Variants in CDH4 observed in about 807,000 individuals in gnomAD.
CDH4 encodes cadherin 4.
In CDH4, 33 loss-of-function variants were observed where a neutral mutation model predicts 86.0. The ratio of observed to expected loss-of-function variants is 0.38; its 90% CI spans 0.29 to 0.51. CDH4 has a LOEUF of 0.51. CDH4 is among the 20% of genes least tolerant of loss of function. The pLI, the probability that CDH4 is intolerant of heterozygous loss-of-function variation, is 0.86. For synonymous variants in CDH4, 555 were observed against 549.4 expected, an observed-to-expected ratio of 1.01 and a Z score of -0.14; for missense variants, 1,114 against 1,307.4, an observed-to-expected ratio of 0.85 and a Z score of 2.28.
In CDH4 at chr20:61,631,328, G is replaced by A. The variant is rs112139416; in HGVS notation, c.170-112235G>A. 2.6e-4 allele frequency among the ~76,000 whole-genome samples: 39 copies of A among 152,322 alleles called. No homozygotes were observed. The South Asian group carries it at 5.0e-3, about 19-fold the overall frequency. ...TGGAGCCAGGGCTTCAAGTTCGGTG[G>A]GGCTTGGTTGCTTTGTTTAAAAGTG... On this transcript the variant is annotated intron_variant, in intron 2 of 15. Transcript: ENST00000614565.
In CDH4 at chr20:61,709,419, C is replaced by T. The variant is rs975309140; in HGVS notation, c.170-34144C>T. ...CCACCCAAGTAGTTGGGATTACAGG[C>T]GGGTGCCACCATGCCCGGCTATTTT... On this transcript the variant is annotated intron_variant, in intron 2 of 15. Transcript: ENST00000614565. This position sits in a 1 kb window ranked among gnomAD's most constrained non-coding sequence, Gnocchi z 4.8. Among the ~76,000 whole-genome samples the T allele has an allele frequency of 3.3e-5, 5 of 151,996 alleles. No homozygotes were observed. The highest frequency in any genetic ancestry group is 2.1e-4 in the South Asian group (1 of 4,818).
intron 2 of CDH4, among the ~76,000 whole-genome samples, chr20:61,389,134 C>G (rs2084967259): frequency 6.6e-6 from 1 of 152,210 alleles, no homozygotes; most frequent in Non-Finnish European, 1.5e-5. Flanking sequence ...TGCCAGTGGG[C>G]TGAAGTCCGT....
chr20:61,416,158 C>T (rs1024803490), intron 2 of CDH4, among the ~76,000 whole-genome samples: 2 of 152,070 alleles, frequency 1.3e-5, no homozygotes, highest in African/African-American at 4.8e-5. Context: ...TGTGCTACCA[C>T]ACCTGGCTAA....
At position 61,328,877 on chromosome 20, in the gene CDH4, C is replaced by T. The variant is rs189991084; in HGVS notation, c.169+73940C>T. Among the ~76,000 whole-genome samples the T allele has an allele frequency of 2.9e-3, 437 of 152,312 alleles. 3 individuals are homozygous for T. Among genetic ancestry groups the T allele is most frequent in the Middle Eastern group, 0.02 (6 of 294 alleles). On this transcript the variant is annotated intron_variant, in intron 2 of 15. Coordinates refer to ENST00000614565, the MANE Select transcript of CDH4 (RefSeq NM_001794.5). The stretch of plus-strand genomic sequence containing the variant: ...CTATTAGCTCTGAATGATGAAAACT[C>T]CCATTGTACAGATGCTCCTTAATTT...
At chr20:61,407,296 C>T (rs2085089656) in intron 2 of CDH4, among the ~76,000 whole-genome samples, 1 of 152,158 alleles carries the variant, frequency 6.6e-6, no homozygotes, top group Admixed American at 6.5e-5. Context: ...AATGTCAGGT[C>T]CTTAGAGAAG....
intron 2 of CDH4, among the ~76,000 whole-genome samples, chr20:61,498,342 C>T (rs2085677455): frequency 6.6e-6 from 1 of 152,198 alleles, no homozygotes; most frequent in Admixed American, 6.5e-5. Flanking sequence ...AATGTTCTAG[C>T]TCAGATGACC....
intron 2 of CDH4, among the ~76,000 whole-genome samples, chr20:61,407,576 C>A (rs899789554): frequency 6.6e-6 from 1 of 152,210 alleles, no homozygotes; most frequent in Admixed American, 6.5e-5. Context: ...ACAAACTTCC[C>A]TATGAAATTG....
At chr20:61,673,444 G>A (rs778759103) in intron 2 of CDH4, among the ~76,000 whole-genome samples, 15 of 152,216 alleles carry the variant, frequency 9.9e-5, no homozygotes, top group Non-Finnish European at 2.1e-4. Flanking sequence ...GGGAGGCTGC[G>A]TGCCTGGGCC....
chr20:61,525,369 A>T (rs2085902275), intron 2 of CDH4, among the ~76,000 whole-genome samples: 1 of 152,142 alleles, frequency 6.6e-6, no homozygotes, highest in Non-Finnish European at 1.5e-5. Context: ...GCTGCCCTGG[A>T]CAGTCTCCAT....
chr20:61,764,858 C>T (rs1208525902), intron 3 of CDH4, among the ~76,000 whole-genome samples: 2 of 152,170 alleles, frequency 1.3e-5, no homozygotes, highest in South Asian at 2.1e-4. Context: ...TCATGCAGGT[C>T]GCAGGGCCCA....
intron 2 of CDH4, among the ~76,000 whole-genome samples, chr20:61,720,287 C>A (rs187128686): frequency 6.6e-6 from 1 of 152,118 alleles, no homozygotes; most frequent in African/African-American, 2.4e-5. Context: ...ACCTCCTGGC[C>A]CCCCATCCTG....
At chr20:61,773,234 C>T (rs1229119311) in intron 4 of CDH4, 52 bp downstream of exon 4, 1 of 1,456,954 alleles carries the variant, frequency 6.9e-7, no homozygotes, top group Non-Finnish European at 9.1e-7. Context: ...TAGCAGTAGG[C>T]TCTTCTCCCG....
intron 7 of CDH4, among the ~76,000 whole-genome samples, chr20:61,881,350 C>T (rs1984266931): frequency 6.6e-6 from 1 of 152,236 alleles, no homozygotes; most frequent in Non-Finnish European, 1.5e-5. Context: ...CATTTCGTAA[C>T]CAAAGTGCCA....
In CDH4 at chr20:61,516,308, A is replaced by G. The variant is rs984611445; in HGVS notation, c.170-227255A>G. Among the ~76,000 whole-genome samples, 1 of 152,046 alleles carries G rather than the reference A, an allele frequency of 6.6e-6. No homozygotes were observed. Among genetic ancestry groups the G allele is most frequent in the Admixed American group, 6.5e-5 (1 of 15,280 alleles). ...CTGTTCCTCTTCCTGCTCCTTCCTTACATCCCGTCTATTAATGCCATGGTC... is the reference window on the plus strand; with the variant it reads ...CTGTTCCTCTTCCTGCTCCTTCCTTGCATCCCGTCTATTAATGCCATGGTC... On this transcript the variant is annotated intron_variant, in intron 2 of 15. Transcript: ENST00000614565. This position sits in a 1 kb window ranked among gnomAD's most constrained non-coding sequence, Gnocchi z 4.0.
chr20:61,316,331 G>A (rs533276207), intron 2 of CDH4, among the ~76,000 whole-genome samples: 7 of 152,356 alleles, frequency 4.6e-5, no homozygotes, highest in South Asian at 2.1e-4. Flanking sequence ...AAGGCACTGC[G>A]GCCCGCAGAT....
chr20:61,414,512 C>T (rs1412633976), intron 2 of CDH4, among the ~76,000 whole-genome samples: 5 of 152,206 alleles, frequency 3.3e-5, no homozygotes, highest in African/African-American at 7.2e-5. Flanking sequence ...AAATGCTTGC[C>T]GACCAGCTCC....
At chr20:61,379,801 C>T (rs532837729) in intron 2 of CDH4, among the ~76,000 whole-genome samples, 288 of 152,212 alleles carry the variant, frequency 1.9e-3, no homozygotes, top group African/African-American at 6.6e-3. Flanking sequence ...TTTCAATTCC[C>T]GCTGCAAGTT....
At chr20:61,891,719 G>A (rs1984829664) in intron 7 of CDH4, among the ~76,000 whole-genome samples, 1 of 152,216 alleles carries the variant, frequency 6.6e-6, no homozygotes, top group African/African-American at 2.4e-5. Context: ...CCTGTTCTGG[G>A]TGGGAGGCCT....
chr20:61,841,688 A>C (rs1390332462), intron 4 of CDH4, among the ~76,000 whole-genome samples: 2 of 130,066 alleles, frequency 1.5e-5, no homozygotes, highest in Non-Finnish European at 3.7e-5. Flanking sequence ...GAAAGTAAGG[A>C]GGTGCATTGC....
Sources: gnomAD v4.1 joint callset for allele counts (sites outside exome capture counted in the v4.1 genomes callset) on GRCh38, gnomAD v4.1.1 for gene constraint, Gnocchi (gnomAD v3.1) non-coding constraint, MANE v1.5 for transcripts, NCBI Gene and HGNC (gene_info 2026-07-23, HGNC 2026-07-21) for gene names.